The following WDFY3 variants were observed in gnomAD, a reference collection of about 807,000 sequenced individuals.
WDFY3 encodes WD repeat and FYVE domain containing 3.
A neutral mutation model predicts 409.6 loss-of-function variants in WDFY3; 66 were observed. The ratio of observed to expected loss-of-function variants is 0.16; its 90% confidence interval spans 0.13 to 0.20. The LOEUF (loss-of-function observed/expected upper bound fraction) is 0.20, where lower values mean the gene tolerates loss of function less well. WDFY3 is among the 10% of genes least tolerant of loss of function. The pLI is 1.00. For synonymous variants in WDFY3, 1,521 were observed against 1,537.1 expected (o/e 0.99, Z 0.25); for missense variants, 3,031 against 4,298.1 (o/e 0.71, Z 8.24).
intron 27 of WDFY3, among the ~76,000 whole-genome samples, chr4:84,777,549 G>C (rs1745764542): frequency 6.6e-6 from 1 of 152,068 alleles, no homozygotes; most frequent in Non-Finnish European, 1.5e-5. Context: ...ACTGAGTACA[G>C]GCCATAGATT....
At chr4:84,714,129 C>T (rs1028651197) in intron 50 of WDFY3, among the ~76,000 whole-genome samples, 6 of 151,288 alleles carry the variant, frequency 4.0e-5, no homozygotes, top group Non-Finnish European at 8.8e-5. Context: ...AAAAAAAAAT[C>T]ATTATTATTT....
At chr4:84,891,312 A>G (rs1036482129) in intron 3 of WDFY3, among the ~76,000 whole-genome samples, 13 of 152,222 alleles carry the variant, frequency 8.5e-5, no homozygotes, top group Non-Finnish European at 2.9e-5. Context: ...TATTCTCTGC[A>G]ACTAAATCCT....
chr4:84,910,758 T>G (rs902086691), intron 2 of WDFY3, among the ~76,000 whole-genome samples: 1 of 152,146 alleles, frequency 6.6e-6, no homozygotes, highest in Admixed American at 6.6e-5. Context: ...CAGGCTGGAG[T>G]GCAGTGGTGC....
rs892730335 is a variant in WDFY3 at position 84,715,477 on chromosome 4, C to T, written c.7876-94G>A. ...TTCCACTATAAATTTCTACAATGTT[C>T]AAGAAGTTAATCTGCGGCCGGGCGC... is the stretch of plus-strand genomic sequence containing the variant. On this transcript the variant is annotated intron_variant, in intron 49 of 67. Transcript: ENST00000295888. 5 of 809,114 alleles carry T rather than the reference C, an allele frequency of 6.2e-6. No homozygotes were observed. In the African/African-American group the frequency reaches 7.1e-5, roughly 11 times the overall value. The allele number at this position is 809,114 out of a possible 1,614,324, so 50.1% of individuals were successfully genotyped here. A position where few individuals can be genotyped will look rare whatever the true frequency, so the allele number is the denominator to read the frequency against.
chr4:84,886,832 T>C (rs376720518), intron 3 of WDFY3, among the ~76,000 whole-genome samples: 2 of 152,148 alleles, frequency 1.3e-5, no homozygotes, highest in African/African-American at 4.8e-5. Flanking sequence ...ATTGTTCTGG[T>C]AGTGTTCAAT....
chr4:84,869,089 T>C (rs1761830048), intron 3 of WDFY3, among the ~76,000 whole-genome samples: 1 of 152,240 alleles, frequency 6.6e-6, no homozygotes, highest in African/African-American at 2.4e-5. Context: ...CACTGACCAG[T>C]ATCCTCAGTG....
At chr4:84,673,358 T>C (rs551089658) in intron 67 of WDFY3, among the ~76,000 whole-genome samples, 46 of 152,292 alleles carry the variant, frequency 3.0e-4, no homozygotes, top group African/African-American at 1.1e-3. Context: ...TCAATGTCTT[T>C]ACCTGGAGCT....
At chr4:84,796,053 C>T (rs1749381716) in intron 19 of WDFY3, among the ~76,000 whole-genome samples, 1 of 151,422 alleles carries the variant, frequency 6.6e-6, no homozygotes, top group South Asian at 2.1e-4. Flanking sequence ...TATATATTAT[C>T]TATACATTTA....
intron 56 of WDFY3, 29 bp from the exon 57 acceptor site, chr4:84,696,852 A>C: frequency 2.5e-6 from 4 of 1,584,174 alleles, no homozygotes; most frequent in Non-Finnish European, 3.5e-6. Flanking sequence ...TAAAAATAAA[A>C]AAAAAGAAAG....
chr4:84,723,839 A>C (rs1324087735), intron 46 of WDFY3, among the ~76,000 whole-genome samples: 2 of 152,244 alleles, frequency 1.3e-5, no homozygotes, highest in African/African-American at 4.8e-5. Context: ...GAGAAGCTGT[A>C]GAAAAGAAGA....
At chr4:84,916,053 AT>A (rs1209826217) in intron 2 of WDFY3, among the ~76,000 whole-genome samples, 1 of 152,218 alleles carries the variant, frequency 6.6e-6, no homozygotes, top group Non-Finnish European at 1.5e-5. Flanking sequence ...AGTATTAATC[AT>A]AAAAATATCA....
In WDFY3 at chr4:84,698,533, A is replaced by G. The variant is rs1048951125; in HGVS notation, c.8597-1710T>C. On this transcript the variant is annotated intron_variant, in intron 56 of 67. Coordinates refer to ENST00000295888, the MANE Select transcript of WDFY3 (RefSeq NM_014991.6). ...AGTGATGCTCCTACCTTGGCCTCCC[A>G]AAGTGCTTGAATTATAGGCAAGAGC... Among the ~76,000 whole-genome samples, 9 of 152,022 alleles carry G rather than the reference A, an allele frequency of 5.9e-5. 1 individual carries two copies. The East Asian group carries it at 1.7e-3, about 29-fold the overall frequency.
chr4:84,781,236 AT>A (rs918373428), intron 25 of WDFY3, among the ~76,000 whole-genome samples: 14 of 150,800 alleles, frequency 9.3e-5, no homozygotes, highest in Non-Finnish European at 1.6e-4. Flanking sequence ...AAAAAAAAAA[AT>A]CACACCTACA....
intron 2 of WDFY3, among the ~76,000 whole-genome samples, chr4:84,904,360 C>A (rs903822463): frequency 6.6e-6 from 1 of 151,328 alleles, no homozygotes; most frequent in Non-Finnish European, 1.5e-5. Context: ...CCTGCCTAGG[C>A]GAAACAGAGC....
chr4:84,932,800 T>A (rs1770927630), intron 1 of WDFY3, among the ~76,000 whole-genome samples: 1 of 152,182 alleles, frequency 6.6e-6, no homozygotes, highest in Non-Finnish European at 1.5e-5. Context: ...TCAAGATAAA[T>A]GCGGTATAGA....
At chr4:84,952,517 TTC>T (rs1172063280) in intron 1 of WDFY3, among the ~76,000 whole-genome samples, 4 of 152,116 alleles carry the variant, frequency 2.6e-5, no homozygotes, top group Non-Finnish European at 4.4e-5. Context: ...AACTTTTATT[TTC>T]TCTGTCTTTT....
At chr4:84,783,862 TACACACACACACAC>T (rs137878462) in intron 24 of WDFY3, among the ~76,000 whole-genome samples, 2 of 140,856 alleles carry the variant, frequency 1.4e-5, no homozygotes, top group Non-Finnish European at 3.1e-5. Flanking sequence ...GTGTCATACA[TACACACACACACAC>T]ACACACACAC....
At chr4:84,845,508 A>G (rs1389497066) in intron 5 of WDFY3, among the ~76,000 whole-genome samples, 1 of 152,192 alleles carries the variant, frequency 6.6e-6, no homozygotes, top group Non-Finnish European at 1.5e-5. Flanking sequence ...GCTGTACAGC[A>G]TGGTATGTAT....
rs188626112 is a variant in WDFY3, at chr4:84,675,290, C to G, written c.10457+1909G>C. Among the ~76,000 whole-genome samples the G allele has an allele frequency of 3.2e-3, 488 of 152,186 alleles. 1 individual carries two copies. Among genetic ancestry groups the G allele is most frequent in the African/African-American group, 0.011 (441 of 41,542 alleles). On this transcript the variant is annotated intron_variant, in intron 67 of 67. Coordinates refer to ENST00000295888, the MANE Select transcript of WDFY3 (RefSeq NM_014991.6). Reference sequence around the variant, plus strand: ...GTTTTATAGAGCAGGCCTTTCAAAGCACAGAGCCACTAGACAGAATCCTCT... The same window carrying G: ...GTTTTATAGAGCAGGCCTTTCAAAGGACAGAGCCACTAGACAGAATCCTCT...
Sources: allele counts gnomAD v4.1 joint callset (sites outside exome capture counted in the v4.1 genomes callset), GRCh38; gene constraint gnomAD v4.1.1; transcripts MANE v1.5; gene names NCBI Gene and HGNC (gene_info 2026-07-23, HGNC 2026-07-21).